The following LRRC4C variants were observed in gnomAD, a reference collection of about 807,000 sequenced individuals.
LRRC4C encodes leucine-rich repeat-containing protein 4C.
Under a neutral mutation model 33.6 loss-of-function variants are expected in LRRC4C, and 5 were observed. The observed-to-expected ratio is 0.15, with a 90% CI of 0.08 to 0.31. The LOEUF is 0.31. Among genes scored for constraint, LRRC4C ranks in the 10% least tolerant of loss-of-function variants. The pLI is 1.00. For missense variants in LRRC4C, 560 were observed against 796.7 expected (o/e 0.70, Z 3.58); for synonymous variants, 329 against 302.0 (o/e 1.09, Z -0.93).
At chr11:41,404,568 C>T (rs1483654508) in intron 1 of LRRC4C, among the ~76,000 whole-genome samples, 2 of 133,112 alleles carry the variant, frequency 1.5e-5, no homozygotes, top group Middle Eastern at 3.7e-3. Flanking sequence ...ACACACCCCC[C>T]GAGGTTATAT....
At chr11:41,459,236 G>A (rs1254154854) in intron 1 of LRRC4C, among the ~76,000 whole-genome samples, 195 bp downstream of exon 1, 1 of 152,122 alleles carries the variant, frequency 6.6e-6, no homozygotes, top group Non-Finnish European at 1.5e-5. Context: ...AGAGGAATGG[G>A]GGGATGGTTA....
At chr11:40,173,538 C>T (rs1860218546) in intron 5 of LRRC4C, among the ~76,000 whole-genome samples, 1 of 152,176 alleles carries the variant, frequency 6.6e-6, no homozygotes, top group African/African-American at 2.4e-5. Context: ...TGTTGGTTTA[C>T]TTCATTGCTT....
chr11:40,647,447 TC>T (rs1368657605), intron 3 of LRRC4C, among the ~76,000 whole-genome samples: 3 of 152,004 alleles, frequency 2.0e-5, no homozygotes, highest in African/African-American at 7.3e-5. Context: ...TAGGTGTGAG[TC>T]CCCTTGACTC....
chr11:40,589,325 G>T (rs1250426943), intron 3 of LRRC4C, among the ~76,000 whole-genome samples: 4 of 151,798 alleles, frequency 2.6e-5, no homozygotes, highest in Non-Finnish European at 4.4e-5. Context: ...TTTTCCATTT[G>T]CTTGGTAGAT....
At chr11:40,152,386 A>G (rs1218404739) in intron 5 of LRRC4C, among the ~76,000 whole-genome samples, 3 of 152,138 alleles carry the variant, frequency 2.0e-5, no homozygotes, top group Non-Finnish European at 4.4e-5. Context: ...CTCCACAGGG[A>G]GAAGGAATTC....
At chr11:41,075,028 T>A (rs11036215) in intron 1 of LRRC4C, among the ~76,000 whole-genome samples, 3 of 30,820 alleles carry the variant, frequency 9.7e-5, no homozygotes, top group African/African-American at 4.2e-4. Flanking sequence ...TTTTTTTTTT[T>A]TTTTTTTTAT....
intron 1 of LRRC4C, among the ~76,000 whole-genome samples, chr11:41,005,031 T>C (rs867823858): frequency 3.9e-5 from 6 of 152,184 alleles, no homozygotes; most frequent in Admixed American, 2.6e-4. Context: ...CAGGATTCTA[T>C]AGTCAGTCAG....
Position 40,251,533 on chromosome 11 carries a change from C to T in LRRC4C, c.-175-9935G>A, listed in dbSNP as rs117598976. The stretch of plus-strand genomic sequence containing the variant: ...CAGCCTCATGCCCCAAAGCCTGGCT[C>T]GAAGGAAAATAAGAATAACTAAAAT... On this transcript the variant is annotated intron_variant, in intron 4 of 6. Transcript: ENST00000528697. Among the ~76,000 whole-genome samples, 552 of 152,126 alleles carry T rather than the reference C, an allele frequency of 3.6e-3. 2 individuals are homozygous for T. The highest frequency in any genetic ancestry group is 6.5e-3 in the Admixed American group (99 of 15,268).
At chr11:40,943,187 A>G (rs538699695) in intron 1 of LRRC4C, among the ~76,000 whole-genome samples, 2 of 152,184 alleles carry the variant, frequency 1.3e-5, no homozygotes, top group Non-Finnish European at 2.9e-5. Flanking sequence ...AGAAATGACT[A>G]AATAACTAAA....
At chr11:40,807,617 G>A (rs1951311172) in intron 2 of LRRC4C, among the ~76,000 whole-genome samples, 1 of 152,206 alleles carries the variant, frequency 6.6e-6, no homozygotes, top group Non-Finnish European at 1.5e-5. Flanking sequence ...AGCAAATGGA[G>A]CTGTCATCCA....
intron 5 of LRRC4C, among the ~76,000 whole-genome samples, chr11:40,200,640 T>G (rs2135721315): frequency 6.6e-6 from 1 of 151,404 alleles, no homozygotes; most frequent in East Asian, 2.0e-4. Flanking sequence ...CATGCCTTTC[T>G]CAGTTCCCCG....
chr11:40,573,725 G>A (rs931061167), intron 3 of LRRC4C, among the ~76,000 whole-genome samples: 2 of 152,178 alleles, frequency 1.3e-5, no homozygotes, highest in Admixed American at 1.3e-4. Context: ...GGCAATAAAT[G>A]TATCCTAGAT....
At chr11:41,037,574 TCACACACA>T (rs56234239) in intron 1 of LRRC4C, among the ~76,000 whole-genome samples, 2 of 148,862 alleles carry the variant, frequency 1.3e-5, no homozygotes, top group Admixed American at 6.7e-5. Flanking sequence ...TCTTTTCCTT[TCACACACA>T]CACACACACA....
chr11:41,064,037 T>C (rs1412687884), intron 1 of LRRC4C, among the ~76,000 whole-genome samples: 2 of 152,210 alleles, frequency 1.3e-5, no homozygotes, highest in African/African-American at 2.4e-5. Flanking sequence ...AAAACAATTC[T>C]GTGGTTTATA....
intron 2 of LRRC4C, among the ~76,000 whole-genome samples, chr11:40,922,779 G>T (rs1957238445): frequency 6.6e-6 from 1 of 152,206 alleles, no homozygotes; most frequent in South Asian, 2.1e-4. Flanking sequence ...AGTGATAGTT[G>T]ATTGTGTTGG....
intron 2 of LRRC4C, among the ~76,000 whole-genome samples, chr11:40,772,587 G>T (rs1949805099): frequency 1.3e-5 from 2 of 152,086 alleles, no homozygotes; most frequent in South Asian, 4.1e-4. Context: ...ATGACAAACT[G>T]GTATAAGGAA....
chr11:41,369,893 T>G (rs1488822081), intron 1 of LRRC4C, among the ~76,000 whole-genome samples: 1 of 152,192 alleles, frequency 6.6e-6, no homozygotes, highest in Non-Finnish European at 1.5e-5. Flanking sequence ...ACAAGGAGAC[T>G]AATTAAGAGG....
intron 3 of LRRC4C, among the ~76,000 whole-genome samples, chr11:40,334,618 A>G (rs1292404602): frequency 1.3e-5 from 2 of 152,216 alleles, no homozygotes; most frequent in Non-Finnish European, 2.9e-5. Context: ...ATACTTCTGT[A>G]GAGTACTGAA....
At chr11:40,753,720 G>A (rs11036064) in intron 2 of LRRC4C, among the ~76,000 whole-genome samples, 17,306 of 151,462 alleles carry the variant, frequency 0.11, 1,093 homozygotes, top group Middle Eastern at 0.15. Context: ...TCTAAAGTGC[G>A]TCATATTCTT....
Sources: allele counts gnomAD v4.1 joint callset (sites outside exome capture counted in the v4.1 genomes callset), GRCh38; gene constraint gnomAD v4.1.1; transcripts MANE v1.5; gene names NCBI Gene and HGNC (gene_info 2026-07-23, HGNC 2026-07-21).